Variants in TAB2 observed in about 807,000 individuals in gnomAD.
TAB2 encodes TGF-beta activated kinase 1 (MAP3K7) binding protein 2.
Under a neutral mutation model 65.0 loss-of-function variants are expected in TAB2, and 3 were observed. The observed-to-expected ratio is 0.05, with a 90% CI of 0.02 to 0.12. TAB2 has a LOEUF of 0.12. Ranked by LOEUF, TAB2 falls within the 10% of genes least tolerant of loss-of-function variation. The pLI is 1.00. For synonymous variants in TAB2, 298 were observed against 285.1 expected (o/e 1.05, Z -0.46); for missense variants, 623 against 840.3 (o/e 0.74, Z 3.20).
At chr6:149,236,406 T>C (rs1412910027) in intron 1 of TAB2, among the ~76,000 whole-genome samples, 2 of 152,118 alleles carry the variant, frequency 1.3e-5, no homozygotes, top group African/African-American at 4.8e-5. Flanking sequence ...GGGAGGAGCT[T>C]TTTCAAATTA....
chr6:149,392,909 T>C (rs1782038157), intron 3 of TAB2, among the ~76,000 whole-genome samples: 1 of 152,190 alleles, frequency 6.6e-6, no homozygotes, highest in African/African-American at 2.4e-5. Flanking sequence ...TTGGGTGTTA[T>C]TTTGTAAACT....
intron 1 of TAB2, among the ~76,000 whole-genome samples, chr6:149,365,018 C>T (rs1780994259): frequency 6.6e-6 from 1 of 151,940 alleles, no homozygotes; most frequent in Admixed American, 6.6e-5. Flanking sequence ...AATATGTCTA[C>T]TTATGTTTTG....
intron 1 of TAB2, chr6:149,342,709 G>T (rs1336475914): frequency 6.6e-6 from 1 of 152,140 alleles, no homozygotes. Flanking sequence ...TCCTGGACCT[G>T]CCCTGGAAAA....
chr6:149,248,582 C>A (rs1260732270), intron 1 of TAB2, among the ~76,000 whole-genome samples: 1 of 151,940 alleles, frequency 6.6e-6, no homozygotes, highest in Non-Finnish European at 1.5e-5. Context: ...CTGGCCAGCA[C>A]ACTCTTTCTC....
At chr6:149,405,883 ATCT>A (rs1283082797) in intron 6 of TAB2, among the ~76,000 whole-genome samples, 1 of 152,004 alleles carries the variant, frequency 6.6e-6, no homozygotes, top group Admixed American at 6.6e-5. Flanking sequence ...GCTAAAGGAG[ATCT>A]TAAGTGTTCT....
intron 1 of TAB2, among the ~76,000 whole-genome samples, chr6:149,323,371 TAA>T (rs1040556504): frequency 5.3e-5 from 8 of 152,100 alleles, no homozygotes; most frequent in Non-Finnish European, 7.4e-5. Context: ...TAGCAGTTTT[TAA>T]AAGAGTAGAA....
chr6:149,331,218 A>C (rs372120129), intron 1 of TAB2, among the ~76,000 whole-genome samples: 5 of 152,146 alleles, frequency 3.3e-5, no homozygotes, highest in Admixed American at 2.0e-4. Flanking sequence ...TCTTTTATTT[A>C]ATTCTTTTAT....
At chr6:149,372,743 A>G (rs1297380767) in intron 2 of TAB2, among the ~76,000 whole-genome samples, 1 of 152,204 alleles carries the variant, frequency 6.6e-6, no homozygotes, top group Non-Finnish European at 1.5e-5. Context: ...ATAACAAGAA[A>G]TCTGACAAGA....
chr6:149,249,622 C>G (rs762228417), intron 1 of TAB2, among the ~76,000 whole-genome samples: 2 of 151,788 alleles, frequency 1.3e-5, no homozygotes, highest in Non-Finnish European at 2.9e-5. Flanking sequence ...ATGTCTCTGT[C>G]TGTGTGTGTC....
chr6:149,358,672 G>GTGTGTGTGTGTGTGTGTT, intron 1 of TAB2, among the ~76,000 whole-genome samples: 1 of 151,234 alleles, frequency 6.6e-6, no homozygotes, highest in African/African-American at 2.4e-5. Context: ...GTGTGTGTGT[G>GTGTGTGTGTGTGTGTGTT]TTTTCAGTAT....
chr6:149,233,462 C>G (rs912057387), intron 1 of TAB2, among the ~76,000 whole-genome samples: 1 of 152,178 alleles, frequency 6.6e-6, no homozygotes, highest in Admixed American at 6.5e-5. Flanking sequence ...ATTTGTCACA[C>G]GTAAGTGTCA....
At chr6:149,328,773 T>G (rs991534669) in intron 1 of TAB2, among the ~76,000 whole-genome samples, 1 of 152,114 alleles carries the variant, frequency 6.6e-6, no homozygotes, top group Admixed American at 6.5e-5. Flanking sequence ...GGGTTAAACA[T>G]AAAATACTTT....
intron 1 of TAB2, among the ~76,000 whole-genome samples, chr6:149,323,351 A>G (rs1206214162): frequency 2.0e-5 from 3 of 152,156 alleles, no homozygotes; most frequent in Admixed American, 2.0e-4. Context: ...ATCAAAGTGA[A>G]AAAGTAATAT....
chr6:149,388,830 T>G (rs1781885310), intron 3 of TAB2, among the ~76,000 whole-genome samples: 3 of 152,308 alleles, frequency 2.0e-5, no homozygotes, highest in African/African-American at 7.2e-5. Flanking sequence ...TTTTTCTGCC[T>G]TATAAATTTT....
intron 1 of TAB2, among the ~76,000 whole-genome samples, chr6:149,230,426 G>A (rs574550172): frequency 2.6e-5 from 4 of 152,250 alleles, no homozygotes; most frequent in Admixed American, 6.5e-5. Context: ...GTAAGTCCAC[G>A]CTTGTTAGTT....
intron 3 of TAB2, among the ~76,000 whole-genome samples, chr6:149,388,279 C>T (rs1781866786): frequency 6.6e-6 from 1 of 152,154 alleles, no homozygotes; most frequent in Non-Finnish European, 1.5e-5. Flanking sequence ...AGCAGTGGCT[C>T]CTTAAGCCTC....
chr6:149,278,027 G>T (rs560656805), intron 1 of TAB2, among the ~76,000 whole-genome samples: 1 of 152,120 alleles, frequency 6.6e-6, no homozygotes, highest in Non-Finnish European at 1.5e-5. Context: ...TCTCCCTAGC[G>T]AAGCTAATTT....
chr6:149,253,962 G>GAAAGAAAGAAAGAAAGAAAGA (rs1777922344), intron 1 of TAB2, among the ~76,000 whole-genome samples: 1 of 43,038 alleles, frequency 2.3e-5, no homozygotes, highest in Non-Finnish European at 4.7e-5. Flanking sequence ...GAAAGAAAAA[G>GAAAGAAAGAAAGAAAGAAAGA]AAAGAAAGAA....
upstream of TAB2, among the ~76,000 whole-genome samples, chr6:149,313,714 T>C (rs1397835398): frequency 6.6e-6 from 1 of 152,242 alleles, no homozygotes; most frequent in Non-Finnish European, 1.5e-5. Flanking sequence ...GAGTCATCTT[T>C]AACTCTTACT....
Sources: gnomAD v4.1 joint callset for allele counts (sites outside exome capture counted in the v4.1 genomes callset) on GRCh38, gnomAD v4.1.1 for gene constraint, MANE v1.5 for transcripts, NCBI Gene and HGNC (gene_info 2026-07-23, HGNC 2026-07-21) for gene names.